Variants in ITPR2 observed in about 807,000 individuals in gnomAD.
The protein encoded by ITPR2 is inositol 1,4,5-trisphosphate receptor type 2.
Under a neutral mutation model 317.1 loss-of-function variants are expected in ITPR2, and 207 were observed. The ratio of observed to expected loss-of-function variants is 0.65; its 90% CI spans 0.58 to 0.73. The LOEUF is 0.73. Among genes scored for constraint, ITPR2 ranks in the 30% least tolerant of loss-of-function variants. ITPR2 has a pLI of 0.00. For missense variants in ITPR2, 2,613 were observed against 3,284.0 expected (o/e 0.80, Z 4.99); for synonymous variants, 1,156 against 1,149.1 (o/e 1.01, Z -0.12).
intron 46 of ITPR2, among the ~76,000 whole-genome samples, chr12:26,440,203 A>G (rs1941451975): frequency 6.6e-6 from 1 of 152,208 alleles, no homozygotes; most frequent in African/African-American, 2.4e-5. Context: ...GCAGAGAGCC[A>G]TAAGAGACAC....
rs11422176 is a variant in ITPR2, at chr12:26,817,180, CAAAAAAAAAAAAA to C, written c.92+15497_92+15509del. Among the ~76,000 whole-genome samples, 41 of 57,688 alleles carry C rather than the reference CAAAAAAAAAAAAA, an allele frequency of 7.1e-4. 1 individual carries two copies. The highest frequency in any genetic ancestry group is 2.8e-3 in the African/African-American group (39 of 14,146). 37.8% of individuals were successfully genotyped at this position (57,688 alleles called of 152,430 possible). Reference sequence around the variant, plus strand: ...TGGGCGACAGACCGAGAGTCTCTTTCAAAAAAAAAAAAAAAAAAAAAAGGGCAGTACGAACAAA... The same window carrying C: ...TGGGCGACAGACCGAGAGTCTCTTTCAAAAAAAAAGGGCAGTACGAACAAA... On this transcript the variant is annotated intron_variant, in intron 1 of 56. Coordinates refer to ENST00000381340, the MANE Select transcript of ITPR2 (RefSeq NM_002223.4).
intron 49 of ITPR2, among the ~76,000 whole-genome samples, chr12:26,420,376 T>C (rs1940852492): frequency 6.6e-6 from 1 of 152,214 alleles, no homozygotes; most frequent in African/African-American, 2.4e-5. Context: ...GTTCAATATA[T>C]ATTAACAAAT....
chr12:26,338,330 T>C lies in ITPR2; in HGVS notation c.*1067A>G, dbSNP rs1403070637. On this transcript the variant is annotated 3_prime_UTR_variant, in exon 57 of 57. Coordinates refer to ENST00000381340, the MANE Select transcript of ITPR2 (RefSeq NM_002223.4). ...TTTTGAAAAGCCCTTACAGATACAG[T>C]TTTAAATATGTAATTGAAATGTGGC... The C allele has an allele frequency of 6.6e-6, 1 of 152,648 alleles. No individual in the cohort carries two copies. Among genetic ancestry groups the C allele is most frequent in the Non-Finnish European group, 1.5e-5 (1 of 68,040 alleles). 9.5% of individuals were successfully genotyped at this position (152,648 alleles called of 1,614,324 possible).
chr12:26,601,795 C>T (rs559496185), intron 28 of ITPR2, among the ~76,000 whole-genome samples: 14 of 152,274 alleles, frequency 9.2e-5, no homozygotes, highest in Non-Finnish European at 2.1e-4. Context: ...CAGACACAAC[C>T]TCAATCAATT....
intron 2 of ITPR2, among the ~76,000 whole-genome samples, chr12:26,732,906 T>C (rs991452336): frequency 2.6e-5 from 4 of 152,186 alleles, no homozygotes; most frequent in Admixed American, 2.0e-4. Context: ...TGGCAAGATC[T>C]CCTCAAAAAG....
At chr12:26,407,146 TC>T (rs1352407154) in intron 52 of ITPR2, among the ~76,000 whole-genome samples, 1 of 152,086 alleles carries the variant, frequency 6.6e-6, no homozygotes, top group Admixed American at 6.6e-5. Context: ...ATGGAGACTT[TC>T]CCCCAATGTG....
At position 26,409,766 on chromosome 12, in the gene ITPR2, G is replaced by A. The variant is rs566478291; in HGVS notation, c.7399+1554C>T. On this transcript the variant is annotated intron_variant, in intron 52 of 56. Coordinates refer to ENST00000381340, the MANE Select transcript of ITPR2 (RefSeq NM_002223.4). ...TGCTTGACAGAATCAGGATCCATAC[G>A]GACACCATGAGGCTCATGGCACATT... Among the ~76,000 whole-genome samples, 23 of 152,216 alleles carry A rather than the reference G, an allele frequency of 1.5e-4. No homozygotes were observed. The South Asian group carries it at 4.6e-3, about 30-fold the overall frequency.
intron 37 of ITPR2, among the ~76,000 whole-genome samples, chr12:26,510,243 A>G (rs1233410355): frequency 6.6e-6 from 1 of 152,176 alleles, no homozygotes; most frequent in African/African-American, 2.4e-5. Flanking sequence ...CTTTCCAAAT[A>G]AACGTACACT....
chr12:26,599,122 T>C, intron 30 of ITPR2, 23 bp downstream of exon 30: 1 of 1,608,700 alleles, frequency 6.2e-7, no homozygotes, highest in Non-Finnish European at 8.5e-7. Context: ...GTGAAGCTGA[T>C]AAAAGGCAAA....
chr12:26,582,084 G>A (rs1945418138), intron 32 of ITPR2, among the ~76,000 whole-genome samples: 1 of 152,114 alleles, frequency 6.6e-6, no homozygotes, highest in South Asian at 2.1e-4. Context: ...AAGCTATGTG[G>A]AACCTAGTCC....
In ITPR2 at chr12:26,556,383, A is replaced by G; in HGVS notation, c.4822-8T>C. On this transcript the variant is annotated splice_region_variant and splice_polypyrimidine_tract_variant and intron_variant, in intron 35 of 56. Transcript: ENST00000381340. ...CAAGGAGGCCACTACATCCTAGGGA[A>G]TGAAACACAAGAGAACCCACATGAA... 3 of 1,608,672 alleles carry G rather than the reference A, an allele frequency of 1.9e-6. No homozygotes were observed. Among genetic ancestry groups the G allele is most frequent in the Non-Finnish European group, 2.5e-6 (3 of 1,178,506 alleles).
intron 37 of ITPR2, among the ~76,000 whole-genome samples, chr12:26,531,682 CAAGTGT>C (rs909232251): frequency 5.4e-5 from 8 of 148,486 alleles, no homozygotes; most frequent in African/African-American, 2.0e-4. Flanking sequence ...CACACACACA[CAAGTGT>C]GTATCTGAAT....
At position 26,656,551 on chromosome 12, in the gene ITPR2, T is replaced by C; in HGVS notation, c.2193-3A>G. The C allele has an allele frequency of 6.2e-7, 1 of 1,612,790 alleles. No individual in the cohort carries two copies. The highest frequency in any genetic ancestry group is 8.5e-7 in the Non-Finnish European group (1 of 1,178,880). ...TTGCAAAGAGGTTTAGCTGGTACCT[T>C]AAAAATGGTAAACATATTACATTAT... On this transcript the variant is annotated splice_polypyrimidine_tract_variant and splice_region_variant and intron_variant, in intron 18 of 56. Coordinates refer to ENST00000381340, the MANE Select transcript of ITPR2 (RefSeq NM_002223.4).
intron 18 of ITPR2, among the ~76,000 whole-genome samples, chr12:26,657,091 G>C (rs188446920): frequency 6.6e-6 from 1 of 152,314 alleles, no homozygotes; most frequent in East Asian, 1.9e-4. Context: ...ATCTGTCTTT[G>C]TCTGATTCTT....
intron 45 of ITPR2, among the ~76,000 whole-genome samples, chr12:26,461,717 C>CAT (rs1290895301): frequency 7.9e-6 from 1 of 126,738 alleles, no homozygotes; most frequent in African/African-American, 2.8e-5. Context: ...CACACACACA[C>CAT]ATACATATAA....
chr12:26,423,192 T>G (rs1940948051), intron 49 of ITPR2, among the ~76,000 whole-genome samples: 1 of 152,112 alleles, frequency 6.6e-6, no homozygotes, highest in Admixed American at 6.6e-5. Flanking sequence ...AAAGGGTAGG[T>G]CTGTGTGTGT....
At chr12:26,782,176 T>C (rs1950109273) in intron 2 of ITPR2, among the ~76,000 whole-genome samples, 1 of 151,500 alleles carries the variant, frequency 6.6e-6, no homozygotes, top group African/African-American at 2.4e-5. Flanking sequence ...ATTAGTTCTG[T>C]CCCTATTAGA....
intron 39 of ITPR2, among the ~76,000 whole-genome samples, chr12:26,489,554 C>T (rs1406058829): frequency 7.9e-5 from 12 of 152,184 alleles, no homozygotes; most frequent in African/African-American, 2.9e-4. Flanking sequence ...GGATAACATA[C>T]CACTTACCTC....
intron 1 of ITPR2, among the ~76,000 whole-genome samples, chr12:26,815,036 T>C (rs1950826180): frequency 6.6e-6 from 1 of 152,228 alleles, no homozygotes; most frequent in South Asian, 2.1e-4. Flanking sequence ...TTAATCAGAA[T>C]TCTTAGCCAA....
Sources: gnomAD v4.1 joint callset for allele counts (sites outside exome capture counted in the v4.1 genomes callset) on GRCh38, gnomAD v4.1.1 for gene constraint, MANE v1.5 for transcripts, NCBI Gene and HGNC (gene_info 2026-07-23, HGNC 2026-07-21) for gene names.